Variants in AGAP1 observed in about 807,000 individuals in gnomAD.
AGAP1 encodes the protein arf-GAP with GTPase, ANK repeat and PH domain-containing protein 1.
In AGAP1, 29 loss-of-function variants were observed where a neutral mutation model predicts 105.3. The ratio of observed to expected loss-of-function variants is 0.28; its 90% CI spans 0.21 to 0.38. AGAP1 has a LOEUF of 0.38. Among genes scored for constraint, AGAP1 ranks in the 10% least tolerant of loss-of-function variants. The pLI, the probability that AGAP1 is intolerant of heterozygous loss-of-function variation, is 1.00. For synonymous variants in AGAP1, 509 were observed against 485.9 expected, an observed-to-expected ratio of 1.05 and a Z score of -0.63; for missense variants, 998 against 1,165.1, an observed-to-expected ratio of 0.86 and a Z score of 2.09.
At chr2:235,766,393 AG>A (rs1293603157) in intron 6 of AGAP1, among the ~76,000 whole-genome samples, 1 of 152,190 alleles carries the variant, frequency 6.6e-6, no homozygotes, top group South Asian at 2.1e-4. Flanking sequence ...AACCGCCACT[AG>A]GGGGCATTGA....
At chr2:235,666,839 G>A (rs770567595) in intron 1 of AGAP1, among the ~76,000 whole-genome samples, 3 of 151,874 alleles carry the variant, frequency 2.0e-5, no homozygotes, top group Non-Finnish European at 1.5e-5. Context: ...CCTTAATTAT[G>A]GACAAGCTAC....
rs1946278388 is a variant in AGAP1, at chr2:235,615,456, A to G, written c.164-93723A>G. On this transcript the variant is annotated intron_variant, in intron 1 of 17. Transcript: ENST00000304032. The surrounding 1 kb of genome is among the most constrained non-coding windows in gnomAD (Gnocchi z 5.0). ...TTTTTTTTCAAAGCATTATCTCTCT[A>G]CTGTTTGTAGGCAGAGAATTTATTA... Among the ~76,000 whole-genome samples the G allele has an allele frequency of 2.0e-5, 3 of 152,136 alleles. 1 individual carries two copies. The South Asian group carries it at 6.2e-4, about 32-fold the overall frequency.
At chr2:235,925,545 A>T (rs746207591) in intron 11 of AGAP1, among the ~76,000 whole-genome samples, 2 of 152,164 alleles carry the variant, frequency 1.3e-5, no homozygotes, top group Admixed American at 1.3e-4. Context: ...CTCTATTTCT[A>T]TTAGCCTTCC....
rs756230653 is a variant in AGAP1 at position 235,744,818 on chromosome 2, C to T, written c.517C>T (p.Leu173=). 1 of 1,613,948 alleles carries T rather than the reference C, an allele frequency of 6.2e-7. No individual in the cohort carries two copies. Among genetic ancestry groups the T allele is most frequent in the Non-Finnish European group, 8.5e-7 (1 of 1,180,034 alleles). ...CTATCGGAACACGAGCGAGATTCCTCTGGTTCTGGTGGGAACCCAGGGTGA... is the reference window on the plus strand; with the variant it reads ...CTATCGGAACACGAGCGAGATTCCTTTGGTTCTGGTGGGAACCCAGGGTGA... The part of the protein sequence containing the change: ...ANYRNTSEIP[L]VLVGTQDAIS... Residue 173 remains leucine (L), a synonymous_variant, in exon 5 of 18, where the codon CTG becomes TTG. Coordinates refer to ENST00000304032, the MANE Select transcript of AGAP1 (RefSeq NM_001037131.3). The surrounding 1 kb of genome is among the most constrained non-coding windows in gnomAD (Gnocchi z 5.2).
chr2:235,529,134 T>G (rs1040443913), intron 1 of AGAP1, among the ~76,000 whole-genome samples: 1 of 152,246 alleles, frequency 6.6e-6, no homozygotes, highest in African/African-American at 2.4e-5. Context: ...TGCTGCCTGG[T>G]AACTTTCCTT....
rs1244547019 is a variant in AGAP1 at position 235,867,771 on chromosome 2, A to G, written c.1051-15574A>G. On this transcript the variant is annotated intron_variant, in intron 9 of 17. Coordinates refer to ENST00000304032, the MANE Select transcript of AGAP1 (RefSeq NM_001037131.3). The surrounding 1 kb of genome is among the most constrained non-coding windows in gnomAD (Gnocchi z 5.4). ...GAGCCTCAGCAGGGGCATCACCTGGATGTACCATTTTCCGCATGGAGCTGG... is the reference window on the plus strand; with the variant it reads ...GAGCCTCAGCAGGGGCATCACCTGGGTGTACCATTTTCCGCATGGAGCTGG... Among the ~76,000 whole-genome samples, 1 of 152,110 alleles carries G rather than the reference A, an allele frequency of 6.6e-6. No individual in the cohort carries two copies. Among genetic ancestry groups the G allele is most frequent in the Non-Finnish European group, 1.5e-5 (1 of 68,022 alleles).
chr2:235,732,601 C>A lies in AGAP1; in HGVS notation c.311-8362C>A, dbSNP rs1344698468. Among the ~76,000 whole-genome samples the A allele has an allele frequency of 1.3e-5, 2 of 152,182 alleles. No individual in the cohort carries two copies. The highest frequency in any genetic ancestry group is 4.8e-5 in the African/African-American group (2 of 41,448). On this transcript the variant is annotated intron_variant, in intron 3 of 17. Transcript: ENST00000304032. The surrounding 1 kb of genome is among the most constrained non-coding windows in gnomAD (Gnocchi z 4.8). The stretch of plus-strand genomic sequence containing the variant: ...CCCTTCCCTCCTTCCTCTCCCCAAG[C>A]CTCTCCCGCCTTCCCATTTTCCCTG...
chr2:235,678,714 G>T (rs1948892598), intron 1 of AGAP1, among the ~76,000 whole-genome samples: 1 of 152,098 alleles, frequency 6.6e-6, no homozygotes, highest in Admixed American at 6.6e-5. Context: ...TCTTTGGACT[G>T]TCCTCCTGCC....
chr2:235,897,292 G>A (rs1042747114), intron 10 of AGAP1, among the ~76,000 whole-genome samples: 3 of 152,072 alleles, frequency 2.0e-5, no homozygotes, highest in African/African-American at 4.8e-5. Flanking sequence ...CGCCCACCTC[G>A]GCCTCCCAAC....
chr2:235,967,350 C>A lies in AGAP1; in HGVS notation c.1484-1112C>A, dbSNP rs1232292628. Among the ~76,000 whole-genome samples, 1 of 152,204 alleles carries A rather than the reference C, an allele frequency of 6.6e-6. No homozygotes were observed. The highest frequency in any genetic ancestry group is 1.5e-5 in the Non-Finnish European group (1 of 68,046). On this transcript the variant is annotated intron_variant, in intron 12 of 17. Transcript: ENST00000304032. This position sits in a 1 kb window ranked among gnomAD's most constrained non-coding sequence, Gnocchi z 4.7. Reference sequence around the variant, plus strand: ...CCCCATCACTGCCGCCTCTCCCCAGCCTCCCAGCCTTGATGCCCCGCGTTC... The same window carrying A: ...CCCCATCACTGCCGCCTCTCCCCAGACTCCCAGCCTTGATGCCCCGCGTTC...
Position 235,889,929 on chromosome 2 carries a change from G to GA in AGAP1, c.1155+6481dup, listed in dbSNP as rs1282612526. Among the ~76,000 whole-genome samples the GA allele has an allele frequency of 3.3e-5, 5 of 150,808 alleles. No individual in the cohort carries two copies. Among genetic ancestry groups the GA allele is most frequent in the African/African-American group, 1.2e-4 (5 of 40,342 alleles). On this transcript the variant is annotated intron_variant, in intron 10 of 17. Transcript: ENST00000304032. This position sits in a 1 kb window ranked among gnomAD's most constrained non-coding sequence, Gnocchi z 4.6. ...AAGCTCCATGAAAGTTTATGCCAGT[G>GA]ATAACCTCCAGGCCCCAGATCTGCT...
In AGAP1 at chr2:235,931,549, C is replaced by T. The variant is rs1302244008; in HGVS notation, c.1483+626C>T. On this transcript the variant is annotated intron_variant, in intron 12 of 17. Coordinates refer to ENST00000304032, the MANE Select transcript of AGAP1 (RefSeq NM_001037131.3). The surrounding 1 kb of genome is among the most constrained non-coding windows in gnomAD (Gnocchi z 5.6). ...AGCGTGAATGACGCAGCACCGAGGGCACCCTGGTGGCTGCAGCAGGGTTTG... is the reference window on the plus strand; with the variant it reads ...AGCGTGAATGACGCAGCACCGAGGGTACCCTGGTGGCTGCAGCAGGGTTTG... Among the ~76,000 whole-genome samples, 1 of 152,004 alleles carries T rather than the reference C, an allele frequency of 6.6e-6. No individual in the cohort carries two copies. Among genetic ancestry groups the T allele is most frequent in the African/African-American group, 2.4e-5 (1 of 41,362 alleles).
In AGAP1 at chr2:236,001,272, T is replaced by C. The variant is rs529032592; in HGVS notation, c.1645+32649T>C. 6.6e-6 allele frequency among the ~76,000 whole-genome samples: 1 copy of C among 152,278 alleles called. No individual in the cohort carries two copies. The highest frequency in any genetic ancestry group is 2.1e-4 in the South Asian group (1 of 4,828). ...TTCATGGGGAGCCCTGGCATGGCCT[T>C]CAGGCCTCCGAGGAACCCAGAGGAG... is the stretch of plus-strand genomic sequence containing the variant. On this transcript the variant is annotated intron_variant, in intron 13 of 17. Coordinates refer to ENST00000304032, the MANE Select transcript of AGAP1 (RefSeq NM_001037131.3). The surrounding 1 kb of genome is among the most constrained non-coding windows in gnomAD (Gnocchi z 4.7).
intron 13 of AGAP1, among the ~76,000 whole-genome samples, chr2:236,017,938 C>CT (rs535890323): frequency 1.1e-3 from 163 of 152,240 alleles, no homozygotes; most frequent in African/African-American, 3.9e-3. Flanking sequence ...GTGGGACCTG[C>CT]TCACAGATCC....
At chr2:235,521,742 A>C (rs200021185) in intron 1 of AGAP1, among the ~76,000 whole-genome samples, 1 of 121,528 alleles carries the variant, frequency 8.2e-6, no homozygotes, top group African/African-American at 3.2e-5. Flanking sequence ...TGTTATATAT[A>C]TGTGTGTGTG....
rs953499341 is a variant in AGAP1, at chr2:235,720,154, C to T, written c.310+2510C>T. Among the ~76,000 whole-genome samples the T allele has an allele frequency of 6.6e-5, 10 of 152,108 alleles. No individual in the cohort carries two copies. In the East Asian group the frequency reaches 9.7e-4, roughly 15 times the overall value. On this transcript the variant is annotated intron_variant, in intron 3 of 17. Transcript: ENST00000304032. The surrounding 1 kb of genome is among the most constrained non-coding windows in gnomAD (Gnocchi z 5.0). The stretch of plus-strand genomic sequence containing the variant: ...TTGGGAAAGAAAACAAATGAGAAGC[C>T]GTGTTTCTTTCATACCACGGTCTTG...
Position 235,855,581 on chromosome 2 carries a change from T to G in AGAP1, c.1051-27764T>G, listed in dbSNP as rs1404253851. Among the ~76,000 whole-genome samples the G allele has an allele frequency of 1.3e-5, 2 of 152,226 alleles. No homozygotes were observed. Among genetic ancestry groups the G allele is most frequent in the East Asian group, 3.9e-4 (2 of 5,190 alleles). On this transcript the variant is annotated intron_variant, in intron 9 of 17. Coordinates refer to ENST00000304032, the MANE Select transcript of AGAP1 (RefSeq NM_001037131.3). This position sits in a 1 kb window ranked among gnomAD's most constrained non-coding sequence, Gnocchi z 5.0. ...GCTTTAAATATAGGGTATCATTCTT[T>G]CCTTTAGATTCGTTGCCCTGAACTT...
In AGAP1 at chr2:235,962,522, G is replaced by A. The variant is rs2054235536; in HGVS notation, c.1484-5940G>A. Among the ~76,000 whole-genome samples, 1 of 152,146 alleles carries A rather than the reference G, an allele frequency of 6.6e-6. No homozygotes were observed. The highest frequency in any genetic ancestry group is 2.4e-5 in the African/African-American group (1 of 41,432). On this transcript the variant is annotated intron_variant, in intron 12 of 17. Coordinates refer to ENST00000304032, the MANE Select transcript of AGAP1 (RefSeq NM_001037131.3). This position sits in a 1 kb window ranked among gnomAD's most constrained non-coding sequence, Gnocchi z 5.3. ...CACGGGAGTGAAGGCCTAGTGAGCT[G>A]GGGAGGCAGGGGTGGGGGTGGCAGT...
Position 235,867,030 on chromosome 2 carries a change from G to A in AGAP1, c.1051-16315G>A, listed in dbSNP as rs896478868. 9.9e-5 allele frequency among the ~76,000 whole-genome samples: 15 copies of A among 152,168 alleles called. No homozygotes were observed. The highest frequency in any genetic ancestry group is 2.7e-4 in the African/African-American group (11 of 41,438). On this transcript the variant is annotated intron_variant, in intron 9 of 17. Coordinates refer to ENST00000304032, the MANE Select transcript of AGAP1 (RefSeq NM_001037131.3). This position sits in a 1 kb window ranked among gnomAD's most constrained non-coding sequence, Gnocchi z 5.4. ...AGTCATCGTCTAAGGGATGGGCGTC[G>A]GGGGGTGCTTGCTTATGCGGAGCCT...
Sources: gnomAD v4.1 joint callset for allele counts (sites outside exome capture counted in the v4.1 genomes callset) on GRCh38, gnomAD v4.1.1 for gene constraint, Gnocchi (gnomAD v3.1) non-coding constraint, MANE v1.5 for transcripts, NCBI Gene and HGNC (gene_info 2026-07-23, HGNC 2026-07-21) for gene names.